KIFAP3: variants seen among roughly 807,000 people sequenced by gnomAD.
The protein encoded by KIFAP3 is kinesin-associated protein 3.
KIFAP3 carries 68 observed loss-of-function variants against 106.5 expected under a neutral mutation model. The observed-to-expected ratio is 0.64, with a 90% confidence interval of 0.53 to 0.78. The LOEUF is 0.78. Ranked by LOEUF, KIFAP3 falls within the 30% of genes least tolerant of loss-of-function variation. The pLI is 0.00. For synonymous variants in KIFAP3, 320 were observed against 311.5 expected (o/e 1.03, Z -0.29); for missense variants, 780 against 941.8 (o/e 0.83, Z 2.25).
intron 1 of KIFAP3, among the ~76,000 whole-genome samples, chr1:170,061,694 C>T (rs1435921088): frequency 4.6e-5 from 7 of 152,120 alleles, no homozygotes; most frequent in Non-Finnish European, 8.8e-5. Context: ...AATCATGCTG[C>T]TATAAAGACA....
In KIFAP3 at chr1:170,072,348, G is replaced by A. The variant is rs1003835676; in HGVS notation, c.32+2088C>T. On this transcript the variant is annotated intron_variant, in intron 1 of 19. Transcript: ENST00000361580. ...CTACCTTTATGAACTTTATAAACCAGAAGGAAATATAAAGTAGTAAGTTTA... is the reference window on the plus strand; with the variant it reads ...CTACCTTTATGAACTTTATAAACCAAAAGGAAATATAAAGTAGTAAGTTTA... 3.9e-5 allele frequency among the ~76,000 whole-genome samples: 6 copies of A among 152,230 alleles called. No individual in the cohort carries two copies. The East Asian group carries it at 1.2e-3, about 29-fold the overall frequency.
intron 10 of KIFAP3, among the ~76,000 whole-genome samples, chr1:169,994,261 G>A (rs1667264599): frequency 6.6e-6 from 1 of 152,044 alleles, no homozygotes; most frequent in African/African-American, 2.4e-5. Flanking sequence ...TTAACCACAG[G>A]TCTCTCTGAT....
At chr1:170,065,795 G>A (rs190150598) in intron 1 of KIFAP3, among the ~76,000 whole-genome samples, 20 of 152,000 alleles carry the variant, frequency 1.3e-4, no homozygotes, top group Non-Finnish European at 2.2e-4. Context: ...TACTAACCAC[G>A]TTCAAAGTGT....
intron 17 of KIFAP3, among the ~76,000 whole-genome samples, chr1:169,967,236 G>T (rs563994399): frequency 4.6e-5 from 7 of 151,920 alleles, no homozygotes; most frequent in African/African-American, 1.7e-4. Flanking sequence ...GAATCTCAAA[G>T]TAAAGATACA....
chr1:169,978,004 G>T, intron 16 of KIFAP3, 81 bp downstream of exon 16: 1 of 575,090 alleles, frequency 1.7e-6, no homozygotes, highest in Non-Finnish European at 2.8e-6. Flanking sequence ...TTCAACATTT[G>T]CAAAAAAAAA....
At chr1:170,074,163 C>T (rs1275981496) in intron 1 of KIFAP3, among the ~76,000 whole-genome samples, 1 of 152,138 alleles carries the variant, frequency 6.6e-6, no homozygotes, top group African/African-American at 2.4e-5. Context: ...CTTGCCCTAC[C>T]TCCCTCTCCC....
intron 2 of KIFAP3, among the ~76,000 whole-genome samples, chr1:170,047,106 C>G (rs1478233098): frequency 3.3e-5 from 5 of 152,096 alleles, no homozygotes; most frequent in Non-Finnish European, 2.9e-5. Context: ...CTAGGCAAGA[C>G]AGCATATTCA....
At chr1:169,972,397 T>G in intron 17 of KIFAP3, 116 bp downstream of exon 17, 1 of 620,544 alleles carries the variant, frequency 1.6e-6, no homozygotes, top group South Asian at 1.9e-5. Context: ...ATCCTGAATC[T>G]TACCAAAATA....
rs531975656 is a variant in KIFAP3, at chr1:169,999,622, T to C, written c.1184-7367A>G. ...CCTTTGGTATTTATGGTAATAAACA[T>C]GAATCATGATGAACTCACTGGCTAT... On this transcript the variant is annotated intron_variant, in intron 10 of 19. Coordinates refer to ENST00000361580, the MANE Select transcript of KIFAP3 (RefSeq NM_014970.4). 2.6e-5 allele frequency among the ~76,000 whole-genome samples: 4 copies of C among 152,322 alleles called. No homozygotes were observed. The South Asian group carries it at 8.3e-4, about 32-fold the overall frequency.
chr1:169,987,607 A>G (rs1394594498), intron 11 of KIFAP3, among the ~76,000 whole-genome samples: 1 of 152,076 alleles, frequency 6.6e-6, no homozygotes, highest in Non-Finnish European at 1.5e-5. Context: ...GGCAGGCAAG[A>G]GCAAAGGGGG....
At chr1:169,974,668 G>A (rs1482236592) in intron 16 of KIFAP3, among the ~76,000 whole-genome samples, 3 of 151,442 alleles carry the variant, frequency 2.0e-5, no homozygotes, top group African/African-American at 7.3e-5. Flanking sequence ...TTCCATTAGG[G>A]CAGAGACTTT....
chr1:170,031,807 G>C, intron 8 of KIFAP3, 79 bp downstream of exon 8: 1 of 856,852 alleles, frequency 1.2e-6, no homozygotes, highest in African/African-American at 1.7e-5. Flanking sequence ...TAGCTTTACA[G>C]GTATGATAAA....
upstream of KIFAP3, among the ~76,000 whole-genome samples, chr1:170,077,508 A>G (rs559502862): frequency 1.3e-5 from 2 of 152,356 alleles, no homozygotes; most frequent in South Asian, 4.1e-4. Flanking sequence ...TATTAGAAAC[A>G]TGATACTGAG....
At chr1:169,963,706 C>T (rs1176968307) in intron 17 of KIFAP3, among the ~76,000 whole-genome samples, 1 of 152,100 alleles carries the variant, frequency 6.6e-6, no homozygotes, top group East Asian at 1.9e-4. Context: ...GTTGGCCAGG[C>T]TGGTCTTGAA....
chr1:169,994,780 G>A (rs1667292065), intron 10 of KIFAP3, among the ~76,000 whole-genome samples: 1 of 151,806 alleles, frequency 6.6e-6, no homozygotes, highest in African/African-American at 2.4e-5. Context: ...TTACAGAATA[G>A]AGAGTCAAAT....
intron 11 of KIFAP3, among the ~76,000 whole-genome samples, chr1:169,990,509 C>T (rs956401103): frequency 7.9e-5 from 12 of 152,048 alleles, no homozygotes; most frequent in South Asian, 4.2e-4. Flanking sequence ...GTATATCATA[C>T]ATCCTACAAT....
chr1:170,077,081 A>C (rs1355116706), upstream of KIFAP3, among the ~76,000 whole-genome samples: 1 of 152,102 alleles, frequency 6.6e-6, no homozygotes, highest in Non-Finnish European at 1.5e-5. Flanking sequence ...CGCACCAATT[A>C]GTGCTCTGTG....
chr1:169,932,333 A>G (rs1387261522), intron 19 of KIFAP3, among the ~76,000 whole-genome samples: 1 of 152,180 alleles, frequency 6.6e-6, no homozygotes, highest in Non-Finnish European at 1.5e-5. Flanking sequence ...AACATGCTGT[A>G]AAGTCTAAGA....
chr1:169,931,855 A>G (rs1459681694), intron 19 of KIFAP3, among the ~76,000 whole-genome samples: 1 of 152,184 alleles, frequency 6.6e-6, no homozygotes, highest in Non-Finnish European at 1.5e-5. Context: ...CCTGAACACC[A>G]CAACTAATTA....
Sources: gnomAD v4.1 joint callset for allele counts (sites outside exome capture counted in the v4.1 genomes callset) on GRCh38, gnomAD v4.1.1 for gene constraint, MANE v1.5 for transcripts, NCBI Gene and HGNC (gene_info 2026-07-23, HGNC 2026-07-21) for gene names.